The following TMEM68 variants were observed in gnomAD, a reference collection of about 807,000 sequenced individuals.
TMEM68 encodes transmembrane protein 68, also known as DGAT1/2-independent enzyme synthesizing storage lipids.
A neutral mutation model predicts 36.9 loss-of-function variants in TMEM68; 25 were observed. The observed-to-expected ratio is 0.68, with a 90% CI of 0.49 to 0.95. TMEM68 has a LOEUF of 0.95. Ranked by LOEUF, TMEM68 falls within the 40% of genes least tolerant of loss-of-function variation. The pLI is 0.00. For synonymous variants in TMEM68, 131 were observed against 124.4 expected (o/e 1.05, Z -0.35); for missense variants, 333 against 392.0 (o/e 0.85, Z 1.27).
chr8:55,741,440 G>C (rs1188448319), intron 7 of TMEM68, among the ~76,000 whole-genome samples: 2 of 152,198 alleles, frequency 1.3e-5, no homozygotes, highest in Non-Finnish European at 2.9e-5. Flanking sequence ...AATATTAGAT[G>C]CTTTGGAAAT....
In TMEM68 at chr8:55,739,829, T is replaced by C; in HGVS notation, c.*303A>G. On this transcript the variant is annotated 3_prime_UTR_variant, in exon 8 of 8. Coordinates refer to ENST00000434581, the MANE Select transcript of TMEM68 (RefSeq NM_001286657.2). ...AATTTAACGCATTATCCAGGAATGTTTGTTTAACCTAAACTGCTGTTATTA... is the reference window on the plus strand; with the variant it reads ...AATTTAACGCATTATCCAGGAATGTCTGTTTAACCTAAACTGCTGTTATTA... 1 of 292,158 alleles carries C rather than the reference T, an allele frequency of 3.4e-6. No homozygotes were observed. The highest frequency in any genetic ancestry group is 6.4e-6 in the Non-Finnish European group (1 of 157,312). The allele number at this position is 292,158 out of a possible 1,614,324, so 18.1% of individuals were successfully genotyped here.
Position 55,762,790 on chromosome 8 carries a change from G to A in TMEM68, c.170C>T (p.Pro57Leu), listed in dbSNP as rs149338913. Residue 57 changes from proline (P) to leucine (L), a missense_variant, in exon 3 of 8, where the codon CCT (proline) becomes CTT (leucine). Coordinates refer to ENST00000434581, the MANE Select transcript of TMEM68 (RefSeq NM_001286657.2). ...GTAGAGAAGAAAGATAGTAAAGTAA[G>A]GAAGTATTAAAAGTATTAGTGGTGT... The part of the protein sequence containing the change: ...VFTPLILLIL[P>L]YFTIFLLYLT... The A allele has an allele frequency of 1.2e-6, 2 of 1,614,036 alleles. No individual in the cohort carries two copies. The highest frequency in any genetic ancestry group is 1.7e-6 in the Non-Finnish European group (2 of 1,179,964).
intron 1 of TMEM68, among the ~76,000 whole-genome samples, chr8:55,766,765 G>C (rs978546173): frequency 6.6e-6 from 1 of 152,166 alleles, no homozygotes; most frequent in South Asian, 2.1e-4. Flanking sequence ...GTTTTAAGTG[G>C]CTGCTGTGTT....
At chr8:55,772,227 G>A (rs1346381353) in intron 1 of TMEM68, among the ~76,000 whole-genome samples, 1 of 152,098 alleles carries the variant, frequency 6.6e-6, no homozygotes, top group African/African-American at 2.4e-5. Context: ...TAGTAAATGT[G>A]GCCAAAATAC....
chr8:55,763,001 T>C lies in TMEM68; in HGVS notation c.-42A>G, dbSNP rs548121407. ...ATGACAAATTCAGTTTCTTTCTTCATTGCCATAGCAGGTCGCTAATTTTGA... is the reference window on the plus strand; with the variant it reads ...ATGACAAATTCAGTTTCTTTCTTCACTGCCATAGCAGGTCGCTAATTTTGA... On this transcript the variant is annotated 5_prime_UTR_variant, in exon 3 of 8. The change abolishes an upstream ATG in the 5' untranslated region. Transcript: ENST00000434581. The C allele has an allele frequency of 6.5e-6, 10 of 1,540,858 alleles. No individual in the cohort carries two copies. In the East Asian group the frequency reaches 6.8e-5, roughly 10 times the overall value.
intron 4 of TMEM68, among the ~76,000 whole-genome samples, chr8:55,753,556 C>A (rs916010255): frequency 2.6e-5 from 4 of 152,112 alleles, no homozygotes; most frequent in Non-Finnish European, 4.4e-5. Flanking sequence ...CACATGGATA[C>A]CCAAAGCATT....
intron 1 of TMEM68, among the ~76,000 whole-genome samples, chr8:55,767,004 C>T (rs1810984852): frequency 6.6e-6 from 1 of 151,750 alleles, no homozygotes; most frequent in Admixed American, 6.6e-5. Context: ...TACCATGTGA[C>T]CTAGCAAGTA....
Position 55,773,364 on chromosome 8 carries a change from A to G in TMEM68, c.-210T>C. On this transcript the variant is annotated 5_prime_UTR_variant, in exon 1 of 8. Coordinates refer to ENST00000434581, the MANE Select transcript of TMEM68 (RefSeq NM_001286657.2). ...CCTCCGAAGCAACCCGTGTGAAAGA[A>G]GCCAAGCGGCGGCTGCAGCCCGGGC... is the stretch of plus-strand genomic sequence containing the variant. 2.5e-6 allele frequency: 1 copy of G among 396,202 alleles called. No individual in the cohort carries two copies. Among genetic ancestry groups the G allele is most frequent in the South Asian group, 4.4e-5 (1 of 22,586 alleles). The allele number at this position is 396,202 out of a possible 1,614,324, so 24.5% of individuals were successfully genotyped here.
intron 1 of TMEM68, among the ~76,000 whole-genome samples, chr8:55,768,768 C>A (rs958210334): frequency 6.6e-6 from 1 of 151,870 alleles, no homozygotes; most frequent in African/African-American, 2.4e-5. Flanking sequence ...ATGGCTTGAA[C>A]CCAGGAGGTG....
rs200493179 is a variant in TMEM68, at chr8:55,769,018, T to TAAAAAAAAAAAAAAA, written c.-115+4236_-115+4250dup. On this transcript the variant is annotated intron_variant, in intron 1 of 7. Coordinates refer to ENST00000434581, the MANE Select transcript of TMEM68 (RefSeq NM_001286657.2). Reference sequence around the variant, plus strand: ...GTGAAAGAGCAAGAGACTCTGTCTTTAAAAAAAAAAAAAAAAAAAAAAAGG... The same window carrying TAAAAAAAAAAAAAAA: ...GTGAAAGAGCAAGAGACTCTGTCTTTAAAAAAAAAAAAAAAAAAAAAAAAAAAAAAAAAAAAAAGG... Among the ~76,000 whole-genome samples the TAAAAAAAAAAAAAAA allele has an allele frequency of 7.7e-4, 63 of 82,086 alleles. 1 individual carries two copies. The highest frequency in any genetic ancestry group is 2.9e-3 in the African/African-American group (58 of 20,126). The allele number at this position is 82,086 out of a possible 152,430, so 53.9% of individuals were successfully genotyped here. A position where few individuals can be genotyped will look rare whatever the true frequency, so the allele number is the denominator to read the frequency against.
At chr8:55,762,407 A>C in intron 3 of TMEM68, 1 of 596,240 alleles carries the variant, frequency 1.7e-6, no homozygotes, top group Non-Finnish European at 2.7e-6. Context: ...CTTATAGTCT[A>C]CAGTGCTGCG....
chr8:55,751,812 T>C (rs1212733587), intron 4 of TMEM68, among the ~76,000 whole-genome samples: 1 of 152,224 alleles, frequency 6.6e-6, no homozygotes, highest in African/African-American at 2.4e-5. Flanking sequence ...CTGTTAGTAA[T>C]TAAATATTTT....
At chr8:55,765,390 A>G (rs1278397906) in intron 1 of TMEM68, among the ~76,000 whole-genome samples, 2 of 152,224 alleles carry the variant, frequency 1.3e-5, no homozygotes, top group African/African-American at 2.4e-5. Context: ...GACTCCAGTT[A>G]TCTGATACTG....
chr8:55,742,178 A>G (rs1441691148), intron 7 of TMEM68, among the ~76,000 whole-genome samples: 1 of 152,236 alleles, frequency 6.6e-6, no homozygotes, highest in African/African-American at 2.4e-5. Context: ...TTTCACTCAT[A>G]TGAGGTATCT....
At chr8:55,751,786 G>T (rs1189625390) in intron 4 of TMEM68, among the ~76,000 whole-genome samples, 1 of 152,124 alleles carries the variant, frequency 6.6e-6, no homozygotes, top group Non-Finnish European at 1.5e-5. Context: ...ACTGTTTATG[G>T]ATGAAAGAAA....
chr8:55,771,621 A>T (rs181398792), intron 1 of TMEM68, among the ~76,000 whole-genome samples: 13 of 152,324 alleles, frequency 8.5e-5, no homozygotes, highest in South Asian at 6.2e-4. Flanking sequence ...TGTCTCAAAA[A>T]AAATAAATAA....
Position 55,756,235 on chromosome 8 carries a change from A to C in TMEM68, c.493+9T>G. ...CATTTTTACATTACTATCTACAGTGAAAGTTTACCTGGAATTTTAAAGACA... is the reference window on the plus strand; with the variant it reads ...CATTTTTACATTACTATCTACAGTGCAAGTTTACCTGGAATTTTAAAGACA... On this transcript the variant is annotated intron_variant, in intron 4 of 7. Coordinates refer to ENST00000434581, the MANE Select transcript of TMEM68 (RefSeq NM_001286657.2). 6.3e-7 allele frequency: 1 copy of C among 1,595,840 alleles called. No individual in the cohort carries two copies. The highest frequency in any genetic ancestry group is 8.5e-7 in the Non-Finnish European group (1 of 1,175,592).
At chr8:55,769,304 A>G (rs1208754417) in intron 1 of TMEM68, among the ~76,000 whole-genome samples, 10 of 136,276 alleles carry the variant, frequency 7.3e-5, no homozygotes, top group Admixed American at 1.6e-4. Context: ...CCTCAGGGAC[A>G]GAATGAGAAT....
At chr8:55,769,725 C>G (rs1477745474) in intron 1 of TMEM68, among the ~76,000 whole-genome samples, 1 of 152,126 alleles carries the variant, frequency 6.6e-6, no homozygotes, top group African/African-American at 2.4e-5. Flanking sequence ...CTCCACCTCC[C>G]AGGCTCAAGC....
Sources: allele counts gnomAD v4.1 joint callset (sites outside exome capture counted in the v4.1 genomes callset), GRCh38; gene constraint gnomAD v4.1.1; transcripts MANE v1.5; gene names NCBI Gene and HGNC (gene_info 2026-07-23, HGNC 2026-07-21).